The following ACTR3 variants were observed in gnomAD, a reference collection of about 807,000 sequenced individuals.
The protein encoded by ACTR3 is actin related protein 3.
A neutral mutation model predicts 56.8 loss-of-function variants in ACTR3; 12 were observed. That is an observed-to-expected ratio of 0.21 (90% CI 0.14 to 0.34). ACTR3 has a LOEUF of 0.34. Ranked by LOEUF, ACTR3 falls within the 10% of genes least tolerant of loss-of-function variation. ACTR3 has a pLI of 1.00. For missense variants in ACTR3, 282 were observed against 512.5 expected (o/e 0.55, Z 4.34); for synonymous variants, 162 against 167.4 (o/e 0.97, Z 0.25).
chr2:113,912,161 C>T (rs977670226), intron 1 of ACTR3, among the ~76,000 whole-genome samples: 2 of 152,030 alleles, frequency 1.3e-5, no homozygotes, highest in African/African-American at 4.8e-5. Context: ...CAGGTGTGAG[C>T]CACCACGTCA....
At chr2:113,927,164 A>G (rs1320443877) in intron 3 of ACTR3, among the ~76,000 whole-genome samples, 181 bp from the exon 4 acceptor site, 2 of 152,230 alleles carry the variant, frequency 1.3e-5, no homozygotes, top group African/African-American at 2.4e-5. Flanking sequence ...ACAATGCGTT[A>G]TTGAACTAAT....
Position 113,890,319 on chromosome 2 carries a change from A to T in ACTR3, c.40A>T (p.Thr14Ser). The change falls in exon 1 of 12, where the codon ACG becomes TCG. Residue 14 changes from threonine to serine, a missense_variant. Physicochemically the swap from Thr to Ser is moderately conservative, Grantham distance 58 (BLOSUM62 1). Transcript: ENST00000263238. ...GCCGGCCTGTGTGGTGGACTGTGGC[A>T]CGGGGTAAGGGGGCTTACGGGCGGG... ...RLPACVVDCG[T>S]GYTKLGYAGN... 8.0e-7 allele frequency: 1 copy of T among 1,243,674 alleles called. No homozygotes were observed. Among genetic ancestry groups the T allele is most frequent in the Non-Finnish European group, 1.1e-6 (1 of 943,342 alleles). The allele number at this position is 1,243,674 out of a possible 1,614,324, so 77.0% of individuals were successfully genotyped here.
chr2:113,931,140 T>C (rs981060497), intron 4 of ACTR3, among the ~76,000 whole-genome samples, 161 bp from the exon 5 acceptor site: 1 of 152,190 alleles, frequency 6.6e-6, no homozygotes, highest in African/African-American at 2.4e-5. Flanking sequence ...GTTTGAATTC[T>C]CTATAGTTTT....
chr2:113,941,793 G>C (rs1679928726), intron 7 of ACTR3, among the ~76,000 whole-genome samples: 1 of 151,780 alleles, frequency 6.6e-6, no homozygotes, highest in Non-Finnish European at 1.5e-5. Flanking sequence ...TAATTTGTGT[G>C]GTTATCACAA....
chr2:113,911,279 A>G (rs917360822), intron 1 of ACTR3, among the ~76,000 whole-genome samples: 5 of 150,866 alleles, frequency 3.3e-5, no homozygotes, highest in Non-Finnish European at 7.4e-5. Context: ...ATTACAAGGA[A>G]ATTTTTTGTT....
intron 1 of ACTR3, among the ~76,000 whole-genome samples, chr2:113,892,740 T>C (rs947109161): frequency 1.3e-5 from 2 of 152,214 alleles, no homozygotes; most frequent in Admixed American, 6.5e-5. Context: ...GTCTCTAAAT[T>C]ACAATTACTC....
chr2:113,903,067 A>G (rs1414945856), intron 1 of ACTR3, among the ~76,000 whole-genome samples: 2 of 152,244 alleles, frequency 1.3e-5, no homozygotes, highest in African/African-American at 4.8e-5. Context: ...TGTGGTTACT[A>G]TGCTATAGCT....
chr2:113,938,556 A>G (rs952915144), intron 6 of ACTR3, among the ~76,000 whole-genome samples: 4 of 152,190 alleles, frequency 2.6e-5, no homozygotes, highest in Non-Finnish European at 5.9e-5. Flanking sequence ...TCTTGAGGCA[A>G]TATTCTTCTG....
intron 1 of ACTR3, among the ~76,000 whole-genome samples, chr2:113,902,860 A>G (rs1439620833): frequency 2.6e-5 from 4 of 152,188 alleles, no homozygotes; most frequent in African/African-American, 9.6e-5. Context: ...GGGCCTCCCA[A>G]AGTGCTGGGA....
intron 1 of ACTR3, among the ~76,000 whole-genome samples, 153 bp from the exon 2 acceptor site, chr2:113,913,019 G>T (rs1679336871): frequency 6.6e-6 from 1 of 152,122 alleles, no homozygotes; most frequent in South Asian, 2.1e-4. Context: ...TGATAGAATT[G>T]TGAAAGTAGG....
chr2:113,893,496 G>A (rs1678946461), intron 1 of ACTR3, among the ~76,000 whole-genome samples: 1 of 152,100 alleles, frequency 6.6e-6, no homozygotes, highest in African/African-American at 2.4e-5. Flanking sequence ...GTTTCACCAT[G>A]TTGACCAGGA....
At chr2:113,911,604 A>T (rs1679307649) in intron 1 of ACTR3, among the ~76,000 whole-genome samples, 1 of 151,930 alleles carries the variant, frequency 6.6e-6, no homozygotes, top group Non-Finnish European at 1.5e-5. Context: ...ATTTTAATAG[A>T]GATGGGGTTT....
chr2:113,905,824 CAT>C (rs1421676523), intron 1 of ACTR3, among the ~76,000 whole-genome samples: 2 of 145,704 alleles, frequency 1.4e-5, no homozygotes, highest in African/African-American at 2.4e-5. Context: ...AAGCATGTAT[CAT>C]GTGTTTCCTT....
intron 8 of ACTR3, among the ~76,000 whole-genome samples, chr2:113,944,718 C>T (rs1270328305): frequency 1.3e-5 from 2 of 151,614 alleles, no homozygotes; most frequent in East Asian, 3.9e-4. Context: ...GCCGAGATCA[C>T]GCCACTGCAC....
chr2:113,925,965 G>C (rs947170648), intron 3 of ACTR3, among the ~76,000 whole-genome samples: 6 of 152,100 alleles, frequency 3.9e-5, no homozygotes, highest in African/African-American at 1.4e-4. Flanking sequence ...GTTTTTCACT[G>C]TGCCACCTAG....
At chr2:113,895,961 C>T (rs1330195507) in intron 1 of ACTR3, among the ~76,000 whole-genome samples, 1 of 151,968 alleles carries the variant, frequency 6.6e-6, no homozygotes, top group African/African-American at 2.4e-5. Flanking sequence ...TATGTTCAAG[C>T]TGTCTTCCTG....
At chr2:113,947,751 T>C (rs1258687393) in intron 8 of ACTR3, among the ~76,000 whole-genome samples, 2 of 152,242 alleles carry the variant, frequency 1.3e-5, no homozygotes, top group Non-Finnish European at 2.9e-5. Flanking sequence ...GTCTTGCTGC[T>C]AATGTTTCAT....
In ACTR3 at chr2:113,910,113, A is replaced by G. The variant is rs538282396; in HGVS notation, c.45-3059A>G. On this transcript the variant is annotated intron_variant, in intron 1 of 11. Coordinates refer to ENST00000263238, the MANE Select transcript of ACTR3 (RefSeq NM_005721.5). ...ACTTCAAGATGGGGCTGGTCACTTG[A>G]AAGACCAAGGCATGATTAGTGAGTT... is the stretch of plus-strand genomic sequence containing the variant. Among the ~76,000 whole-genome samples, 224 of 152,266 alleles carry G rather than the reference A, an allele frequency of 1.5e-3. 1 individual carries two copies. Among genetic ancestry groups the G allele is most frequent in the Non-Finnish European group, 2.9e-3 (196 of 68,002 alleles).
At chr2:113,947,425 G>A (rs1680040721) in intron 8 of ACTR3, among the ~76,000 whole-genome samples, 2 of 152,180 alleles carry the variant, frequency 1.3e-5, no homozygotes, top group African/African-American at 2.4e-5. Flanking sequence ...GCCAAGGTGG[G>A]CGAATCACTC....
Sources: allele counts gnomAD v4.1 joint callset (sites outside exome capture counted in the v4.1 genomes callset), GRCh38; gene constraint gnomAD v4.1.1; transcripts MANE v1.5; gene names NCBI Gene and HGNC (gene_info 2026-07-23, HGNC 2026-07-21).